The following NTM variants were observed in gnomAD, a reference collection of about 807,000 sequenced individuals.
NTM encodes the protein neurotrimin, also known as IgLON family member 2.
Under a neutral mutation model 42.1 loss-of-function variants are expected in NTM, and 13 were observed. That is an observed-to-expected ratio of 0.31 (90% CI 0.20 to 0.49). The LOEUF is 0.49. Among genes scored for constraint, NTM ranks in the 20% least tolerant of loss-of-function variants. The pLI, the probability that NTM is intolerant of heterozygous loss-of-function variation, is 0.99. For missense variants in NTM, 373 were observed against 452.8 expected (o/e 0.82, Z 1.60); for synonymous variants, 187 against 179.2 (o/e 1.04, Z -0.35).
At chr11:131,887,505 G>A (rs1017832736) in intron 1 of NTM, among the ~76,000 whole-genome samples, 7 of 152,126 alleles carry the variant, frequency 4.6e-5, no homozygotes, top group Non-Finnish European at 7.4e-5. Flanking sequence ...TTAAACCTCA[G>A]CTTCTTTGTT....
chr11:132,280,903 A>G (rs1434652270), intron 4 of NTM, among the ~76,000 whole-genome samples: 3 of 152,220 alleles, frequency 2.0e-5, no homozygotes, highest in Non-Finnish European at 4.4e-5. Flanking sequence ...TTCAACAGTC[A>G]TTGCCCACAG....
At chr11:131,922,063 T>G (rs982118532) in intron 2 of NTM, 1 of 151,154 alleles carries the variant, frequency 6.6e-6, no homozygotes, top group Non-Finnish European at 1.5e-5. Flanking sequence ...TTATTATTAT[T>G]TTTTTCTTTT....
intron 2 of NTM, among the ~76,000 whole-genome samples, chr11:132,115,252 C>T (rs1043235968): frequency 2.0e-5 from 3 of 152,058 alleles, no homozygotes; most frequent in Non-Finnish European, 4.4e-5. Flanking sequence ...GTTAACAGTA[C>T]TGGATAGTAT....
In NTM at chr11:131,762,110, C is replaced by A. The variant is rs778551462; in HGVS notation, c.83-149454C>A. Among the ~76,000 whole-genome samples the A allele has an allele frequency of 8.9e-4, 135 of 152,210 alleles. 4 individuals carry two copies. The highest frequency in any genetic ancestry group is 2.1e-4 in the Non-Finnish European group (14 of 68,040). ...TTGTGTTTTGCTATAGCAGCCCAGGCGGACTAATACACCAGGTTCATTTGT... is the reference window on the plus strand; with the variant it reads ...TTGTGTTTTGCTATAGCAGCCCAGGAGGACTAATACACCAGGTTCATTTGT... On this transcript the variant is annotated intron_variant, in intron 1 of 8. Transcript: ENST00000683400.
At chr11:131,758,539 CTCTT>C (rs561710087) in intron 1 of NTM, among the ~76,000 whole-genome samples, 27 of 151,824 alleles carry the variant, frequency 1.8e-4, no homozygotes, top group Non-Finnish European at 3.4e-4. Context: ...TTTCTTTTCT[CTCTT>C]TCTTTCTTTC....
At chr11:132,307,518 C>A (rs191201339) in intron 4 of NTM, 171 bp from the exon 5 acceptor site, 3 of 349,414 alleles carry the variant, frequency 8.6e-6, no homozygotes, top group Non-Finnish European at 8.0e-6. Flanking sequence ...GTTGGTGGTG[C>A]GGAGGTGTAG....
intron 2 of NTM, among the ~76,000 whole-genome samples, chr11:132,097,408 C>A (rs1242042653): frequency 6.6e-6 from 1 of 152,178 alleles, no homozygotes; most frequent in Non-Finnish European, 1.5e-5. Context: ...CTGTGTTGCA[C>A]TGGAGGCCAG....
At chr11:131,419,155 A>AAAACAAAC (rs71475754) in intron 1 of NTM, among the ~76,000 whole-genome samples, 19 of 150,898 alleles carry the variant, frequency 1.3e-4, no homozygotes, top group African/African-American at 3.2e-4. Flanking sequence ...ACCTTGGTTA[A>AAAACAAAC]AAACAAACAA....
chr11:132,109,190 A>C (rs2062832500), intron 2 of NTM, among the ~76,000 whole-genome samples: 1 of 74,714 alleles, frequency 1.3e-5, no homozygotes, highest in African/African-American at 6.3e-5. Context: ...TTTATAGTAG[A>C]ATGATTTATC....
chr11:132,317,659 A>G, intron 7 of NTM: 1 of 1,303,654 alleles, frequency 7.7e-7, no homozygotes, highest in South Asian at 1.2e-5. Flanking sequence ...ATTTAGAACT[A>G]AATGAGCCTA....
At chr11:131,947,947 CTTA>C (rs915483668) in intron 2 of NTM, among the ~76,000 whole-genome samples, 4 of 152,126 alleles carry the variant, frequency 2.6e-5, no homozygotes, top group Non-Finnish European at 4.4e-5. Flanking sequence ...ATGAGTAGTA[CTTA>C]TTATTAGTAG....
intron 1 of NTM, among the ~76,000 whole-genome samples, chr11:131,742,953 C>T (rs1056317974): frequency 3.9e-5 from 6 of 152,260 alleles, no homozygotes; most frequent in African/African-American, 9.6e-5. Context: ...TTGACATGAG[C>T]GCCCAATAGA....
At position 132,237,857 on chromosome 11, in the gene NTM, A is replaced by G. The variant is rs2089360529; in HGVS notation, c.526+25710A>G. On this transcript the variant is annotated intron_variant, in intron 4 of 8. Coordinates refer to ENST00000683400, the MANE Select transcript of NTM (RefSeq NM_001352005.2). The stretch of plus-strand genomic sequence containing the variant: ...CGAGGAAATTCGCTGAACCCTTTCA[A>G]TAGGCTTGAATTCTGTCGGCAGCCC... Among the ~76,000 whole-genome samples the G allele has an allele frequency of 2.6e-5, 4 of 152,300 alleles. No individual in the cohort carries two copies. In the South Asian group the frequency reaches 8.3e-4, roughly 32 times the overall value.
chr11:131,979,283 A>C (rs996035563), intron 2 of NTM, among the ~76,000 whole-genome samples: 1 of 152,180 alleles, frequency 6.6e-6, no homozygotes, highest in Non-Finnish European at 1.5e-5. Context: ...GAAAAAAATC[A>C]ATCCATCTCC....
intron 1 of NTM, among the ~76,000 whole-genome samples, chr11:131,472,650 G>A (rs1339024293): frequency 6.6e-6 from 1 of 152,142 alleles, no homozygotes; most frequent in East Asian, 1.9e-4. Context: ...TTTCTTCCTG[G>A]GTAAAGGCAA....
At chr11:132,107,138 A>G (rs1017690946) in intron 2 of NTM, among the ~76,000 whole-genome samples, 2 of 152,042 alleles carry the variant, frequency 1.3e-5, no homozygotes, top group African/African-American at 4.8e-5. Context: ...GTTCTCATGG[A>G]TGTTACCCCT....
chr11:131,877,459 T>C (rs145710021), intron 1 of NTM, among the ~76,000 whole-genome samples: 4 of 152,264 alleles, frequency 2.6e-5, no homozygotes, highest in Non-Finnish European at 5.9e-5. Context: ...CACATGACAA[T>C]GAATGCACTC....
chr11:131,875,722 A>G (rs2137160548), intron 1 of NTM, among the ~76,000 whole-genome samples: 1 of 152,342 alleles, frequency 6.6e-6, no homozygotes, highest in Admixed American at 6.5e-5. Flanking sequence ...GACATTGAAA[A>G]TGATGATGAG....
intron 6 of NTM, among the ~76,000 whole-genome samples, chr11:132,313,066 C>T (rs1464238055): frequency 1.3e-5 from 2 of 152,170 alleles, no homozygotes; most frequent in Non-Finnish European, 2.9e-5. Context: ...GAACCTGCCT[C>T]TCTTTTCTGA....
Sources: allele counts gnomAD v4.1 joint callset (sites outside exome capture counted in the v4.1 genomes callset), GRCh38; gene constraint gnomAD v4.1.1; transcripts MANE v1.5; gene names NCBI Gene and HGNC (gene_info 2026-07-23, HGNC 2026-07-21).